The following BFSP2 variants were observed in gnomAD, a reference collection of about 807,000 sequenced individuals.
The protein encoded by BFSP2 is phakinin.
A neutral mutation model predicts 44.9 loss-of-function variants in BFSP2; 38 were observed. The observed-to-expected ratio is 0.85, with a 90% confidence interval of 0.65 to 1.11. The LOEUF (loss-of-function observed/expected upper bound fraction) is 1.11, where lower values mean the gene tolerates loss of function less well. Ranked by LOEUF, BFSP2 falls within the 50% of genes least tolerant of loss-of-function variation. The pLI, the probability that BFSP2 is intolerant of heterozygous loss-of-function variation, is 0.00. For synonymous variants in BFSP2, 197 were observed against 209.9 expected (o/e 0.94, Z 0.53); for missense variants, 525 against 533.0 (o/e 0.99, Z 0.15).
chr3:133,445,672 TAAC>T (rs1180026249), intron 1 of BFSP2: 2 of 152,220 alleles, frequency 1.3e-5, no homozygotes, highest in Non-Finnish European at 2.9e-5. Context: ...ACACAATAAA[TAAC>T]AACTATGTAC....
chr3:133,446,718 G>C (rs2073904904), intron 1 of BFSP2, among the ~76,000 whole-genome samples: 1 of 144,382 alleles, frequency 6.9e-6, no homozygotes, highest in Non-Finnish European at 1.5e-5. Flanking sequence ...GGGGATTCAA[G>C]TTTGAAAAAC....
At chr3:133,474,332 C>T (rs151222946) in intron 6 of BFSP2, among the ~76,000 whole-genome samples, 11 of 152,334 alleles carry the variant, frequency 7.2e-5, no homozygotes, top group East Asian at 3.9e-4. Flanking sequence ...AAAAGATTTG[C>T]GCATGATCAC....
At chr3:133,411,105 C>T (rs1414762684) in intron 1 of BFSP2, among the ~76,000 whole-genome samples, 1 of 146,128 alleles carries the variant, frequency 6.8e-6, no homozygotes, top group East Asian at 2.0e-4. Flanking sequence ...CATGATCCAT[C>T]AATTTTTAAA....
intron 1 of BFSP2, among the ~76,000 whole-genome samples, chr3:133,440,795 C>G (rs2073837781): frequency 6.6e-6 from 1 of 152,126 alleles, no homozygotes; most frequent in African/African-American, 2.4e-5. Flanking sequence ...TCATCTGGCC[C>G]CTCTACAATG....
At chr3:133,420,127 G>T (rs1327286001) in intron 1 of BFSP2, among the ~76,000 whole-genome samples, 11 of 152,222 alleles carry the variant, frequency 7.2e-5, no homozygotes, top group African/African-American at 2.7e-4. Flanking sequence ...ATACTCATAG[G>T]TGGAAAGAGT....
intron 1 of BFSP2, among the ~76,000 whole-genome samples, chr3:133,417,557 CTTCTACTCTCCT>C (rs1398845001): frequency 7.7e-6 from 1 of 130,388 alleles, no homozygotes; most frequent in African/African-American, 3.0e-5. Flanking sequence ...TTCCCTCTCC[CTTCTACTCTCCT>C]CTCTACTCAC....
intron 1 of BFSP2, among the ~76,000 whole-genome samples, chr3:133,432,587 T>G (rs1299257796): frequency 6.6e-6 from 1 of 152,162 alleles, no homozygotes; most frequent in Non-Finnish European, 1.5e-5. Context: ...GATGATCTTC[T>G]TCTTTGTAGC....
intron 4 of BFSP2, 21 bp downstream of exon 4, chr3:133,450,485 C>T (rs1268772810): frequency 6.2e-7 from 1 of 1,613,488 alleles, no homozygotes; most frequent in East Asian, 2.2e-5. Context: ...GGACCAGCAT[C>T]CTCCACTCTG....
chr3:133,451,851 T>C (rs2073968711), intron 4 of BFSP2, among the ~76,000 whole-genome samples: 1 of 152,218 alleles, frequency 6.6e-6, no homozygotes, highest in Admixed American at 6.5e-5. Context: ...TGCATAGGGT[T>C]TGTTCTTCCC....
chr3:133,428,302 G>A (rs1386230094), intron 1 of BFSP2, among the ~76,000 whole-genome samples: 2 of 150,910 alleles, frequency 1.3e-5, no homozygotes, highest in Non-Finnish European at 2.9e-5. Context: ...CCAAGCAAGG[G>A]AGCCACCTCA....
At chr3:133,417,107 A>ACCCCTGCCCTCTCCCCTCTACTCC (rs2073542884) in intron 1 of BFSP2, among the ~76,000 whole-genome samples, 1 of 65,004 alleles carries the variant, frequency 1.5e-5, no homozygotes. Flanking sequence ...CCCTCTACTC[A>ACCCCTGCCCTCTCCCCTCTACTCC]CCCCTGCCTT....
chr3:133,448,659 G>A lies in BFSP2; in HGVS notation c.729+14G>A, dbSNP rs199538197. On this transcript the variant is annotated intron_variant, in intron 3 of 6. Transcript: ENST00000302334. Reference sequence around the variant, plus strand: ...AACTATGAAGAGGTAGGAGGGGGCTGGGGTTGCTGGGTTGGCCACAAGACC... The same window carrying A: ...AACTATGAAGAGGTAGGAGGGGGCTAGGGTTGCTGGGTTGGCCACAAGACC... 22 of 1,612,704 alleles carry A rather than the reference G, an allele frequency of 1.4e-5. No homozygotes were observed. Among genetic ancestry groups the A allele is most frequent in the Non-Finnish European group, 8.5e-7 (1 of 1,179,750 alleles).
intron 5 of BFSP2, among the ~76,000 whole-genome samples, chr3:133,468,338 T>A (rs1209470593): frequency 6.6e-6 from 1 of 152,204 alleles, no homozygotes; most frequent in African/African-American, 2.4e-5. Context: ...TTTTCTCACT[T>A]GTAAAGTGAG....
At chr3:133,435,382 G>A (rs1448858894) in intron 1 of BFSP2, among the ~76,000 whole-genome samples, 2 of 152,168 alleles carry the variant, frequency 1.3e-5, no homozygotes, top group Non-Finnish European at 2.9e-5. Context: ...CTCTTGACCT[G>A]TCTCTCTTTG....
chr3:133,406,638 A>G (rs1293528233), intron 1 of BFSP2, among the ~76,000 whole-genome samples: 1 of 152,204 alleles, frequency 6.6e-6, no homozygotes, highest in Non-Finnish European at 1.5e-5. Context: ...AATAATGAGG[A>G]TGATTAGAGA....
In BFSP2 at chr3:133,400,109, A is replaced by G; in HGVS notation, c.26A>G (p.Asp9Gly). 6.2e-7 allele frequency: 1 copy of G among 1,614,130 alleles called. No individual in the cohort carries two copies. Among genetic ancestry groups the G allele is most frequent in the Non-Finnish European group, 8.5e-7 (1 of 1,180,020 alleles). Residue 9 changes from aspartate to glycine, a missense_variant, in exon 1 of 7, where the codon GAC becomes GGC. Transcript: ENST00000302334. This position sits in a 1 kb window ranked among gnomAD's most constrained non-coding sequence, Gnocchi z 4.0. MSERRVVV[D>G]LPTSASSSMP... ...ATGAGTGAGAGGCGAGTGGTAGTGG[A>G]CTTGCCCACCAGTGCCAGCTCCAGC...
intron 1 of BFSP2, among the ~76,000 whole-genome samples, chr3:133,424,223 T>TGTGTGTGTGTG (rs777798163): frequency 1.9e-5 from 2 of 104,046 alleles, no homozygotes; most frequent in East Asian, 2.0e-4. Flanking sequence ...TTTTTTTTTT[T>TGTGTGTGTGTG]TTTTTTTTTT....
chr3:133,420,010 G>A (rs578016045), intron 1 of BFSP2, among the ~76,000 whole-genome samples: 7 of 152,342 alleles, frequency 4.6e-5, no homozygotes, highest in East Asian at 1.9e-4. Flanking sequence ...CGACAGGGGC[G>A]ATCACCTCTC....
rs377263609 is a variant in BFSP2 at position 133,437,568 on chromosome 3, C to T, written c.490-9749C>T. On this transcript the variant is annotated intron_variant, in intron 1 of 6. Transcript: ENST00000302334. ...CAAAAACCAAAAAAATGAAAACAAA[C>T]GAAAGGAAGGAAAGAAGGAAGGAAG... 3.8e-4 allele frequency among the ~76,000 whole-genome samples: 35 copies of T among 91,202 alleles called. No homozygotes were observed. The South Asian group carries it at 0.01, about 26-fold the overall frequency. The allele number at this position is 91,202 out of a possible 152,430, so 59.8% of individuals were successfully genotyped here.
Sources: gnomAD v4.1 joint callset for allele counts (sites outside exome capture counted in the v4.1 genomes callset) on GRCh38, gnomAD v4.1.1 for gene constraint, Gnocchi (gnomAD v3.1) non-coding constraint, MANE v1.5 for transcripts, NCBI Gene and HGNC (gene_info 2026-07-23, HGNC 2026-07-21) for gene names.